The following SEMA3E variants were observed in gnomAD, a reference collection of about 807,000 sequenced individuals.
The protein encoded by SEMA3E is semaphorin-3E.
SEMA3E carries 49 observed loss-of-function variants against 93.6 expected under a neutral mutation model. The observed-to-expected ratio is 0.52, with a 90% CI of 0.42 to 0.66. The LOEUF (loss-of-function observed/expected upper bound fraction) is 0.66. Among genes scored for constraint, SEMA3E ranks in the 30% least tolerant of loss-of-function variants. The probability of loss-of-function intolerance (pLI) is 0.00; values close to 1 mark genes in which losing one functional copy is unlikely to be tolerated. For missense variants in SEMA3E, 906 were observed against 964.8 expected, an observed-to-expected ratio of 0.94 and a Z score of 0.81; for synonymous variants, 363 against 330.7, an observed-to-expected ratio of 1.10 and a Z score of -1.06.
intron 1 of SEMA3E, among the ~76,000 whole-genome samples, chr7:83,640,401 G>T (rs909971492): frequency 1.3e-5 from 2 of 152,224 alleles, no homozygotes; most frequent in East Asian, 3.9e-4. Flanking sequence ...TACTTGGCTG[G>T]CAGGCTCTGC....
chr7:83,433,729 A>G (rs1788936187), intron 4 of SEMA3E, among the ~76,000 whole-genome samples: 1 of 152,102 alleles, frequency 6.6e-6, no homozygotes, highest in Non-Finnish European at 1.5e-5. Context: ...GTTAAATGTG[A>G]ATAGTTAATT....
intron 14 of SEMA3E, among the ~76,000 whole-genome samples, chr7:83,390,017 GTATA>G (rs139429358): frequency 0.015 from 232 of 15,692 alleles, no homozygotes; most frequent in South Asian, 0.025. Flanking sequence ...ATATATACGC[GTATA>G]TGTGTATACG....
chr7:83,427,691 A>G (rs959723455), intron 4 of SEMA3E, among the ~76,000 whole-genome samples: 1 of 152,180 alleles, frequency 6.6e-6, no homozygotes, highest in East Asian at 1.9e-4. Context: ...TGCACAACCC[A>G]ATAAAATACT....
At chr7:83,554,971 C>T (rs557410067) in intron 1 of SEMA3E, among the ~76,000 whole-genome samples, 9 of 119,142 alleles carry the variant, frequency 7.6e-5, no homozygotes, top group East Asian at 5.9e-4. Flanking sequence ...AGCGAGACTC[C>T]GTCTCAAAAT....
intron 3 of SEMA3E, among the ~76,000 whole-genome samples, chr7:83,467,712 C>T (rs1167970850): frequency 1.3e-5 from 2 of 152,202 alleles, no homozygotes; most frequent in East Asian, 3.8e-4. Flanking sequence ...CAAAAAGCCA[C>T]CTTCGGCCTA....
At chr7:83,527,777 G>GA (rs11372043) in intron 1 of SEMA3E, among the ~76,000 whole-genome samples, 23,143 of 117,288 alleles carry the variant, frequency 0.2, 1,961 homozygotes, top group Middle Eastern at 0.39. Context: ...GAATTTTTGT[G>GA]ATTTTTTTTT....
chr7:83,414,662 T>C (rs1006551341), intron 5 of SEMA3E, among the ~76,000 whole-genome samples: 2 of 152,150 alleles, frequency 1.3e-5, no homozygotes, highest in African/African-American at 4.8e-5. Flanking sequence ...ATCTTATTAG[T>C]GATTATTTGT....
intron 12 of SEMA3E, 125 bp downstream of exon 12, chr7:83,396,511 CTT>C (rs1316972522): frequency 3.2e-6 from 2 of 625,632 alleles, no homozygotes; most frequent in African/African-American, 1.8e-5. Context: ...TAATTCTTCA[CTT>C]ATATTAGCTC....
rs3043165 is a variant in SEMA3E at position 83,396,089 on chromosome 7, T to TTATA, written c.1458+545_1458+548dup. Among the ~76,000 whole-genome samples the TTATA allele has an allele frequency of 1.5e-4, 23 of 151,136 alleles. No individual in the cohort carries two copies. In the South Asian group the frequency reaches 3.7e-3, roughly 25 times the overall value. On this transcript the variant is annotated intron_variant, in intron 12 of 16. Coordinates refer to ENST00000643230, the MANE Select transcript of SEMA3E (RefSeq NM_012431.3). ...TGTGTGTATAAGTGCATATGTGCAT[T>TTATA]TATATATATGCACACATATATATGT... is the stretch of plus-strand genomic sequence containing the variant.
At chr7:83,506,521 A>G (rs148679673) in intron 1 of SEMA3E, among the ~76,000 whole-genome samples, 116 of 152,244 alleles carry the variant, frequency 7.6e-4, no homozygotes, top group African/African-American at 2.7e-3. Context: ...ATAAAAAAAA[A>G]TAGAATAAAT....
chr7:83,551,533 A>G (rs1253089448), intron 1 of SEMA3E, among the ~76,000 whole-genome samples: 4 of 152,304 alleles, frequency 2.6e-5, no homozygotes, highest in South Asian at 2.1e-4. Flanking sequence ...AGGATGAGAC[A>G]GAGAGAGAAC....
At chr7:83,640,647 T>A (rs577746403) in intron 1 of SEMA3E, among the ~76,000 whole-genome samples, 205 of 152,370 alleles carry the variant, frequency 1.3e-3, no homozygotes, top group African/African-American at 4.7e-3. Flanking sequence ...ATGTTTTATA[T>A]TTATTGTGTT....
chr7:83,522,417 C>T (rs1179378744), intron 1 of SEMA3E, among the ~76,000 whole-genome samples: 21 of 151,922 alleles, frequency 1.4e-4, no homozygotes, highest in Non-Finnish European at 2.8e-4. Flanking sequence ...ATATAAAAGC[C>T]CAGGTCCCTC....
intron 4 of SEMA3E, among the ~76,000 whole-genome samples, chr7:83,420,091 T>C (rs1391816370): frequency 2.6e-5 from 4 of 152,088 alleles, no homozygotes; most frequent in Non-Finnish European, 5.9e-5. Context: ...TTCAATAAAG[T>C]TTCAAGATAC....
intron 4 of SEMA3E, among the ~76,000 whole-genome samples, chr7:83,428,025 G>C (rs1358615333): frequency 6.6e-6 from 1 of 152,188 alleles, no homozygotes; most frequent in African/African-American, 2.4e-5. Flanking sequence ...TCTTGTGCTT[G>C]AAAGTAACCA....
chr7:83,534,299 T>C (rs1015662061), intron 1 of SEMA3E, among the ~76,000 whole-genome samples: 1 of 152,224 alleles, frequency 6.6e-6, no homozygotes, highest in Non-Finnish European at 1.5e-5. Context: ...TAGGATTTTT[T>C]TGAAGTTCTC....
At chr7:83,452,124 T>G (rs1289041762) in intron 4 of SEMA3E, among the ~76,000 whole-genome samples, 1 of 97,018 alleles carries the variant, frequency 1.0e-5, no homozygotes, top group Non-Finnish European at 2.4e-5. Context: ...TATGTGTATG[T>G]GTATGTATGT....
intron 5 of SEMA3E, among the ~76,000 whole-genome samples, chr7:83,412,556 G>A (rs1468815418): frequency 6.6e-6 from 1 of 151,730 alleles, no homozygotes; most frequent in Non-Finnish European, 1.5e-5. Flanking sequence ...GATCAGCCTG[G>A]GCAACATAAA....
At chr7:83,427,879 T>C (rs1037622699) in intron 4 of SEMA3E, among the ~76,000 whole-genome samples, 1 of 152,224 alleles carries the variant, frequency 6.6e-6, no homozygotes, top group Non-Finnish European at 1.5e-5. Context: ...TTACACTGGC[T>C]TTCTATTATC....
Sources: allele counts gnomAD v4.1 joint callset (sites outside exome capture counted in the v4.1 genomes callset), GRCh38; gene constraint gnomAD v4.1.1; transcripts MANE v1.5; gene names NCBI Gene and HGNC (gene_info 2026-07-23, HGNC 2026-07-21).